DLG2: variants seen among roughly 807,000 people sequenced by gnomAD.
The protein encoded by DLG2 is discs large MAGUK scaffold protein 2.
DLG2 carries 45 observed loss-of-function variants against 132.5 expected under a neutral mutation model. That is an observed-to-expected ratio of 0.34 (90% CI 0.27 to 0.44). The LOEUF is 0.44. DLG2 is among the 20% of genes least tolerant of loss of function. The pLI is 1.00. For synonymous variants in DLG2, 424 were observed against 419.6 expected, an observed-to-expected ratio of 1.01 and a Z score of -0.13; for missense variants, 1,045 against 1,196.9, an observed-to-expected ratio of 0.87 and a Z score of 1.87.
intron 3 of DLG2, among the ~76,000 whole-genome samples, chr11:85,432,628 A>G (rs1053106682): frequency 3.9e-5 from 6 of 152,130 alleles, no homozygotes; most frequent in African/African-American, 1.2e-4. Context: ...AGAAAAAACA[A>G]TGAAAATGAA....
chr11:83,727,767 C>T (rs1374875177), intron 18 of DLG2, among the ~76,000 whole-genome samples: 6 of 152,142 alleles, frequency 3.9e-5, no homozygotes, highest in African/African-American at 1.4e-4. Flanking sequence ...GTCCAACCTC[C>T]GAAAAATCCA....
At chr11:84,254,946 T>C (rs1334778214) in intron 7 of DLG2, among the ~76,000 whole-genome samples, 1 of 152,226 alleles carries the variant, frequency 6.6e-6, no homozygotes, top group African/African-American at 2.4e-5. Flanking sequence ...GGTAACGCCC[T>C]GGTGTGACTG....
intron 3 of DLG2, among the ~76,000 whole-genome samples, chr11:85,575,409 G>A (rs778741884): frequency 7.9e-5 from 12 of 151,612 alleles, no homozygotes; most frequent in African/African-American, 2.7e-4. Flanking sequence ...GGTGGTGTGC[G>A]CCTGTGGTCC....
chr11:85,216,726 T>C (rs2082626676), intron 4 of DLG2, among the ~76,000 whole-genome samples: 1 of 151,924 alleles, frequency 6.6e-6, no homozygotes. Context: ...AGACAGAGTC[T>C]CACTCTGTCA....
chr11:84,808,055 G>A (rs1049809230), intron 6 of DLG2, among the ~76,000 whole-genome samples: 1 of 151,986 alleles, frequency 6.6e-6, no homozygotes, highest in Non-Finnish European at 1.5e-5. Flanking sequence ...TTTTTCTCAA[G>A]TGCCCATAGA....
chr11:83,853,430 A>G (rs1322319010), intron 16 of DLG2, among the ~76,000 whole-genome samples: 2 of 152,134 alleles, frequency 1.3e-5, no homozygotes, highest in African/African-American at 2.4e-5. Flanking sequence ...AGGGTCTACT[A>G]TACTCCTGGA....
chr11:85,195,147 G>C (rs939908746), intron 4 of DLG2, among the ~76,000 whole-genome samples: 1 of 152,186 alleles, frequency 6.6e-6, no homozygotes, highest in Non-Finnish European at 1.5e-5. Context: ...CTGAGGGTGG[G>C]AGATGGCCCC....
intron 19 of DLG2, among the ~76,000 whole-genome samples, chr11:83,571,454 T>A (rs1056537814): frequency 2.5e-4 from 38 of 152,092 alleles, no homozygotes; most frequent in Admixed American, 1.3e-4. Context: ...ACACTTTACA[T>A]GACTTTCTGA....
At chr11:84,712,113 T>C (rs2060519819) in intron 6 of DLG2, among the ~76,000 whole-genome samples, 1 of 152,082 alleles carries the variant, frequency 6.6e-6, no homozygotes, top group African/African-American at 2.4e-5. Flanking sequence ...TTTCACCATA[T>C]GTACTTTATT....
chr11:84,853,635 CA>C (rs2082414374), intron 6 of DLG2, among the ~76,000 whole-genome samples: 1 of 151,966 alleles, frequency 6.6e-6, no homozygotes, highest in African/African-American at 2.4e-5. Context: ...ATCAGTCCAG[CA>C]AGATAATGCT....
intron 2 of DLG2, among the ~76,000 whole-genome samples, chr11:85,600,227 G>A (rs1455391248): frequency 6.6e-6 from 1 of 152,094 alleles, no homozygotes; most frequent in Non-Finnish European, 1.5e-5. Flanking sequence ...TTGAGCACTG[G>A]AATATATCCT....
intron 19 of DLG2, among the ~76,000 whole-genome samples, chr11:83,577,913 AT>A (rs1374287591): frequency 6.1e-5 from 8 of 130,568 alleles, no homozygotes; most frequent in Admixed American, 2.6e-4. Context: ...TATATGTATA[AT>A]TATATATATT....
chr11:85,004,039 AG>A (rs1323483260), intron 6 of DLG2, among the ~76,000 whole-genome samples: 2 of 152,182 alleles, frequency 1.3e-5, no homozygotes, highest in Non-Finnish European at 2.9e-5. Context: ...GTCCCTGCAA[AG>A]GACATGAACT....
intron 4 of DLG2, among the ~76,000 whole-genome samples, chr11:85,155,988 C>G (rs2077563834): frequency 6.6e-6 from 1 of 152,152 alleles, no homozygotes; most frequent in African/African-American, 2.4e-5. Context: ...AACTTCCTCA[C>G]CAACCTAGCA....
intron 3 of DLG2, among the ~76,000 whole-genome samples, chr11:85,537,452 C>T (rs1386159343): frequency 6.6e-6 from 1 of 152,094 alleles, no homozygotes; most frequent in Non-Finnish European, 1.5e-5. Context: ...AGGTTCACTC[C>T]TGAAGCCAGT....
At chr11:84,061,094 T>C (rs1481814282) in intron 10 of DLG2, among the ~76,000 whole-genome samples, 1 of 152,202 alleles carries the variant, frequency 6.6e-6, no homozygotes, top group Non-Finnish European at 1.5e-5. Flanking sequence ...AGGGGATCTT[T>C]CCTTAGCAAA....
intron 17 of DLG2, among the ~76,000 whole-genome samples, chr11:83,812,000 A>G (rs2047424798): frequency 6.6e-6 from 1 of 152,062 alleles, no homozygotes; most frequent in Non-Finnish European, 1.5e-5. Flanking sequence ...GAAGACAAGA[A>G]TATGTATGCT....
intron 6 of DLG2, among the ~76,000 whole-genome samples, chr11:84,769,745 C>T (rs181665835): frequency 2.6e-5 from 4 of 152,252 alleles, no homozygotes; most frequent in Non-Finnish European, 5.9e-5. Context: ...GGCCACATTA[C>T]GTACAAAGGA....
intron 3 of DLG2, among the ~76,000 whole-genome samples, chr11:85,401,259 G>A (rs1290496659): frequency 6.6e-6 from 1 of 152,122 alleles, no homozygotes; most frequent in Non-Finnish European, 1.5e-5. Context: ...CTCAATAGAT[G>A]CAGAAAAGGC....
Sources: gnomAD v4.1 joint callset for allele counts (sites outside exome capture counted in the v4.1 genomes callset) on GRCh38, gnomAD v4.1.1 for gene constraint, MANE v1.5 for transcripts, NCBI Gene and HGNC (gene_info 2026-07-23, HGNC 2026-07-21) for gene names.